The following MAPK9 variants were observed in gnomAD, a reference collection of about 807,000 sequenced individuals.
MAPK9 encodes the protein Jun kinase.
In MAPK9, 30 loss-of-function variants were observed where a neutral mutation model predicts 57.1. The ratio of observed to expected loss-of-function variants is 0.53; its 90% CI spans 0.39 to 0.71. The LOEUF (loss-of-function observed/expected upper bound fraction) is 0.71. Ranked by LOEUF, MAPK9 falls within the 30% of genes least tolerant of loss-of-function variation. The pLI is 0.00. For synonymous variants in MAPK9, 155 were observed against 177.0 expected (o/e 0.88, Z 0.99); for missense variants, 362 against 521.0 (o/e 0.69, Z 2.97).
intron 5 of MAPK9, among the ~76,000 whole-genome samples, chr5:180,253,002 T>G (rs921195384): frequency 2.0e-5 from 3 of 151,954 alleles, no homozygotes; most frequent in African/African-American, 7.3e-5. Flanking sequence ...GACTGTGGGG[T>G]CCACGGAAAT....
At chr5:180,290,640 CAGTT>C (rs1263913968) in intron 1 of MAPK9, among the ~76,000 whole-genome samples, 1 of 152,248 alleles carries the variant, frequency 6.6e-6, no homozygotes, top group Non-Finnish European at 1.5e-5. Context: ...CTTGTTCCAA[CAGTT>C]AGCAATTAAA....
Position 180,233,251 on chromosome 5 carries a change from T to C in MAPK9, c.*3133A>G, listed in dbSNP as rs972444307. On this transcript the variant is annotated 3_prime_UTR_variant, in exon 12 of 12. Coordinates refer to ENST00000452135, the MANE Select transcript of MAPK9 (RefSeq NM_002752.5). ...GGCACAAAGCCACAAGCACCATGAA[T>C]GACGTTAAGTAACATGACTAAGGCT... 1 of 152,212 alleles carries C rather than the reference T, an allele frequency of 6.6e-6. No homozygotes were observed. Among genetic ancestry groups the C allele is most frequent in the Non-Finnish European group, 1.5e-5 (1 of 68,062 alleles). The allele number at this position is 152,212 out of a possible 1,614,324, so 9.4% of individuals were successfully genotyped here.
At position 180,236,316 on chromosome 5, in the gene MAPK9, C is replaced by G; in HGVS notation, c.*68G>C. The G allele has an allele frequency of 6.6e-7, 1 of 1,511,548 alleles. No homozygotes were observed. The highest frequency in any genetic ancestry group is 8.9e-7 in the Non-Finnish European group (1 of 1,119,510). The allele number at this position is 1,511,548 out of a possible 1,614,324, so 93.6% of individuals were successfully genotyped here. A position where few individuals can be genotyped will look rare whatever the true frequency, so the allele number is the denominator to read the frequency against. ...GTTTTTCTATTTGGTTCCATCAACT[C>G]CCAAGCATTTCAGGCCCACGGAGGT... On this transcript the variant is annotated 3_prime_UTR_variant, in exon 12 of 12. Coordinates refer to ENST00000452135, the MANE Select transcript of MAPK9 (RefSeq NM_002752.5).
In MAPK9 at chr5:180,247,263, G is replaced by T; in HGVS notation, c.688+176C>A. ...GGTAGTCAAGTTAAAAATAAAGAAT[G>T]AAATTGAACCACTTGGCTTGTGACA... On this transcript the variant is annotated intron_variant, in intron 7 of 11. Coordinates refer to ENST00000452135, the MANE Select transcript of MAPK9 (RefSeq NM_002752.5). The surrounding 1 kb of genome is among the most constrained non-coding windows in gnomAD (Gnocchi z 4.5). 2 of 639,690 alleles carry T rather than the reference G, an allele frequency of 3.1e-6. No homozygotes were observed. The highest frequency in any genetic ancestry group is 2.7e-6 in the Non-Finnish European group (1 of 368,712). 39.6% of individuals were successfully genotyped at this position (639,690 alleles called of 1,614,324 possible).
At chr5:180,270,295 C>T (rs35884358) in intron 2 of MAPK9, among the ~76,000 whole-genome samples, 7 of 152,098 alleles carry the variant, frequency 4.6e-5, no homozygotes, top group Admixed American at 4.6e-4. Context: ...TCTATTAATG[C>T]TTTTGCCAAA....
At chr5:180,242,495 T>A in intron 8 of MAPK9, 78 bp downstream of exon 8, 2 of 1,374,848 alleles carry the variant, frequency 1.5e-6, no homozygotes, top group Non-Finnish European at 1.0e-6. Flanking sequence ...AACACAGGTT[T>A]TTAGAATACA....
intron 4 of MAPK9, among the ~76,000 whole-genome samples, chr5:180,262,116 TA>T (rs983029887): frequency 9.2e-5 from 14 of 152,212 alleles, no homozygotes; most frequent in Admixed American, 5.9e-4. Context: ...CGTACCAGCC[TA>T]AAGACCATGC....
intron 5 of MAPK9, among the ~76,000 whole-genome samples, chr5:180,249,746 TA>T (rs1363941316): frequency 6.6e-5 from 10 of 152,360 alleles, no homozygotes; most frequent in African/African-American, 2.2e-4. Flanking sequence ...TCATACAGTA[TA>T]TTTTTTTAAC....
At chr5:180,238,608 CTTTTT>C (rs746336177) in intron 10 of MAPK9, among the ~76,000 whole-genome samples, 1 of 85,164 alleles carries the variant, frequency 1.2e-5, no homozygotes, top group East Asian at 2.7e-4. Context: ...TCTTCTTCTT[CTTTTT>C]TTTTTTTTTT....
rs143791903 is a variant in MAPK9, at chr5:180,283,675, C to T, written c.-47-3067G>A. 4.5e-3 allele frequency among the ~76,000 whole-genome samples: 691 copies of T among 152,360 alleles called. 6 individuals are homozygous for T. Among genetic ancestry groups the T allele is most frequent in the African/African-American group, 0.016 (656 of 41,578 alleles). On this transcript the variant is annotated intron_variant, in intron 1 of 11. Transcript: ENST00000452135. ...AATAGTCCGGGCATGGTGGCTCACACCTGTAATCCCAGCACTTTGGGAGGC... is the reference window on the plus strand; with the variant it reads ...AATAGTCCGGGCATGGTGGCTCACATCTGTAATCCCAGCACTTTGGGAGGC...
At chr5:180,259,224 C>A (rs978961752) in intron 5 of MAPK9, among the ~76,000 whole-genome samples, 11 of 152,000 alleles carry the variant, frequency 7.2e-5, no homozygotes, top group Non-Finnish European at 1.5e-4. Flanking sequence ...GGAATGTGGT[C>A]AAGTCTTTAG....
intron 2 of MAPK9, among the ~76,000 whole-genome samples, chr5:180,274,699 G>C (rs761002333): frequency 1.3e-5 from 2 of 152,160 alleles, no homozygotes; most frequent in Admixed American, 1.3e-4. Flanking sequence ...TGAGATGCTG[G>C]GCAAAGAACC....
chr5:180,284,245 T>C (rs1425100848), intron 1 of MAPK9, among the ~76,000 whole-genome samples: 1 of 152,218 alleles, frequency 6.6e-6, no homozygotes, highest in East Asian at 1.9e-4. Context: ...AAGCCTGCAT[T>C]CGCTGCCTCC....
chr5:180,291,832 C>T lies in MAPK9; in HGVS notation c.-48+16G>A, dbSNP rs1438856582. ...CGAGCAGCCGCCGCCAGGCCTAGCC[C>T]GCCCGCCGGGCTCACCTCGCCTCCC... On this transcript the variant is annotated intron_variant, in intron 1 of 11. Coordinates refer to ENST00000452135, the MANE Select transcript of MAPK9 (RefSeq NM_002752.5). 6.8e-6 allele frequency: 1 copy of T among 147,876 alleles called. No homozygotes were observed. 9.2% of individuals were successfully genotyped at this position (147,876 alleles called of 1,614,324 possible). A position where few individuals can be genotyped will look rare whatever the true frequency, so the allele number is the denominator to read the frequency against.
Position 180,247,917 on chromosome 5 carries a change from CAG to C in MAPK9, c.617-409_617-408del. ...TTCTGCCATGATGCACCCGACAGAC[CAG>C]ATGTCCACTACCAAACACCAGGGGA... is the stretch of plus-strand genomic sequence containing the variant. On this transcript the variant is annotated intron_variant, in intron 6 of 11. Transcript: ENST00000452135. The surrounding 1 kb of genome is among the most constrained non-coding windows in gnomAD (Gnocchi z 4.5). 1 of 1,613,898 alleles carries C rather than the reference CAG, an allele frequency of 6.2e-7. No homozygotes were observed. Among genetic ancestry groups the C allele is most frequent in the Non-Finnish European group, 8.5e-7 (1 of 1,179,944 alleles).
intron 2 of MAPK9, chr5:180,280,075 G>T (rs572110623): frequency 3.7e-5 from 17 of 455,260 alleles, no homozygotes. Flanking sequence ...AAAAGGGGAG[G>T]GGGGAAAAGG....
chr5:180,247,739 AC>A lies in MAPK9; in HGVS notation c.617-230del, dbSNP rs775428328. ...TCCAATACTTTATAGCTTAAAACAA[AC>A]AAACAAACAAACAAAAAACCAGAAA... On this transcript the variant is annotated intron_variant, in intron 6 of 11. Coordinates refer to ENST00000452135, the MANE Select transcript of MAPK9 (RefSeq NM_002752.5). This position sits in a 1 kb window ranked among gnomAD's most constrained non-coding sequence, Gnocchi z 4.5. The A allele has an allele frequency of 1.6e-5, 19 of 1,177,820 alleles. No homozygotes were observed. Among genetic ancestry groups the A allele is most frequent in the Non-Finnish European group, 2.2e-5 (18 of 802,390 alleles). 73.0% of individuals were successfully genotyped at this position (1,177,820 alleles called of 1,614,324 possible).
intron 10 of MAPK9, among the ~76,000 whole-genome samples, chr5:180,238,764 A>G (rs1757407332): frequency 6.6e-6 from 1 of 152,086 alleles, no homozygotes; most frequent in Non-Finnish European, 1.5e-5. Context: ...GTTCACCACC[A>G]TGCCTGGCTA....
chr5:180,280,693 G>A, intron 1 of MAPK9, 85 bp from the exon 2 acceptor site: 1 of 1,035,312 alleles, frequency 9.7e-7, no homozygotes. Context: ...TTATTGGTAT[G>A]TAAGACAATG....
Sources: allele counts gnomAD v4.1 joint callset (sites outside exome capture counted in the v4.1 genomes callset), GRCh38; gene constraint gnomAD v4.1.1; non-coding constraint Gnocchi (gnomAD v3.1); transcripts MANE v1.5; gene names NCBI Gene and HGNC (gene_info 2026-07-23, HGNC 2026-07-21).